OR10J1: variants seen among roughly 807,000 people sequenced by gnomAD.
The protein encoded by OR10J1 is olfactory receptor 10J1.
For synonymous variants in OR10J1, 202 were observed against 143.8 expected (o/e 1.40, Z -2.89); for missense variants, 474 against 376.6 (o/e 1.26, Z -2.14).
chr1:159,439,604 C>G, upstream of OR10J1: 1 of 688,584 alleles, frequency 1.5e-6, no homozygotes, highest in Non-Finnish European at 2.4e-6. Flanking sequence ...AACAGATGGT[C>G]ACAGAGTAAA....
chr1:159,430,668 T>TGTGTGTGTGTGTGTGTGC, the OR10J1 span, among the ~76,000 whole-genome samples: 18 of 69,614 alleles, frequency 2.6e-4, no homozygotes, highest in Non-Finnish European at 7.0e-4. Context: ...TGTGTGTGTG[T>TGTGTGTGTGTGTGTGTGC]GCGCGCGCGC....
At chr1:159,406,751 G>T in the OR10J1 span, among the ~76,000 whole-genome samples, 1 of 152,158 alleles carries the variant, frequency 6.6e-6, no homozygotes, top group Non-Finnish European at 1.5e-5. Context: ...CTGAGCCTTT[G>T]ATGACACAAT....
In OR10J1 at chr1:159,440,148, A is replaced by T; in HGVS notation, c.357A>T (p.Gly119=). The change falls in exon 1 of 1, where the codon GGA becomes GGT. Residue 119 remains glycine (G), a synonymous_variant. Transcript: ENST00000423932. ...ITNCFLLTAM[G]YDRYVAICNP... The stretch of plus-strand genomic sequence containing the variant: ...ACTGCTTCCTGCTCACAGCAATGGG[A>T]TATGACCGCTATGTGGCCATCTGCA... 6.2e-7 allele frequency: 1 copy of T among 1,614,110 alleles called. No individual in the cohort carries two copies. The highest frequency in any genetic ancestry group is 8.5e-7 in the Non-Finnish European group (1 of 1,180,018).
the OR10J1 span, among the ~76,000 whole-genome samples, chr1:159,431,421 G>A: frequency 6.6e-6 from 1 of 152,214 alleles, no homozygotes; most frequent in East Asian, 1.9e-4. Flanking sequence ...CTTCCCAGGA[G>A]TGCGCCTCAC....
chr1:159,410,957 C>T, the OR10J1 span, among the ~76,000 whole-genome samples: 5 of 152,062 alleles, frequency 3.3e-5, no homozygotes, highest in African/African-American at 1.2e-4. Context: ...TCGTTATGTA[C>T]CCAGTAGTCA....
the OR10J1 span, chr1:159,406,418 G>T: frequency 2.6e-6 from 1 of 381,346 alleles, no homozygotes. Context: ...ACAGAGGTGA[G>T]GCTCCAACTA....
chr1:159,435,694 T>A (rs570989135), upstream of OR10J1, among the ~76,000 whole-genome samples: 1 of 152,276 alleles, frequency 6.6e-6, no homozygotes, highest in Non-Finnish European at 1.5e-5. Context: ...AAGACTCCCA[T>A]TGACAATTCC....
chr1:159,431,889 C>A, the OR10J1 span, among the ~76,000 whole-genome samples: 1 of 152,090 alleles, frequency 6.6e-6, no homozygotes, highest in Non-Finnish European at 1.5e-5. Flanking sequence ...ATTTTTAACA[C>A]GATATTTTCA....
At chr1:159,432,715 A>G in the OR10J1 span, 1 of 404,374 alleles carries the variant, frequency 2.5e-6, no homozygotes, top group East Asian at 3.5e-5. Context: ...CCCTTCTGTG[A>G]TGCTAATCTC....
chr1:159,440,449 A>G lies in OR10J1; in HGVS notation c.658A>G (p.Ile220Val). ...MGLVFISYVL[I>V]ISTILKIASV... ...TCTGGTTTTCATTTCTTATGTTCTC[A>G]TTATCTCTACAATCCTCAAGATTGC... The change falls in exon 1 of 1, where the codon ATT becomes GTT. Residue 220 changes from isoleucine (I) to valine (V), a missense_variant. By Grantham distance (29) the Ile-to-Val change is conservative. Coordinates refer to ENST00000423932, the MANE Select transcript of OR10J1 (RefSeq NM_012351.3). 1.2e-6 allele frequency: 2 copies of G among 1,614,044 alleles called. No individual in the cohort carries two copies. Among genetic ancestry groups the G allele is most frequent in the Non-Finnish European group, 1.7e-6 (2 of 1,179,996 alleles).
At chr1:159,421,560 C>G in the OR10J1 span, among the ~76,000 whole-genome samples, 1 of 152,102 alleles carries the variant, frequency 6.6e-6, no homozygotes, top group Non-Finnish European at 1.5e-5. Context: ...TGGAATTTTT[C>G]CTGAAGATAT....
chr1:159,424,809 A>G, the OR10J1 span, among the ~76,000 whole-genome samples: 1 of 152,162 alleles, frequency 6.6e-6, no homozygotes, highest in Non-Finnish European at 1.5e-5. Flanking sequence ...GAAGAACAGC[A>G]TCAAGGAAAA....
chr1:159,430,638 A>G, the OR10J1 span, among the ~76,000 whole-genome samples: 2 of 28,568 alleles, frequency 7.0e-5, no homozygotes, highest in South Asian at 3.2e-3. Context: ...CAAAAAAATT[A>G]TGGTGTGTGT....
Position 159,440,714 on chromosome 1 carries a change from T to G in OR10J1, c.923T>G (p.Phe308Cys), listed in dbSNP as rs767991984. ...CTGTGCAGGGCTGTTGGTGGGAAGT[T>G]TTCCTGACCATGTAGGAAGAGTTCT... is the stretch of plus-strand genomic sequence containing the variant. ...DALCRAVGGK[F>C]S The change falls in exon 1 of 1, where the codon TTT (phenylalanine) becomes TGT (cysteine). Residue 308 changes from phenylalanine to cysteine, a missense_variant. Phe to Cys is a radical substitution (Grantham distance 205, BLOSUM62 -2). Coordinates refer to ENST00000423932, the MANE Select transcript of OR10J1 (RefSeq NM_012351.3). The G allele has an allele frequency of 6.2e-7, 1 of 1,608,828 alleles. No individual in the cohort carries two copies. Among genetic ancestry groups the G allele is most frequent in the Non-Finnish European group, 8.5e-7 (1 of 1,175,998 alleles).
the OR10J1 span, among the ~76,000 whole-genome samples, chr1:159,412,674 A>G: frequency 1.4e-4 from 21 of 152,088 alleles, 1 homozygote; most frequent in South Asian, 4.3e-3. Flanking sequence ...TACACCTTAC[A>G]CAAAAATTAA....
chr1:159,434,305 C>T (rs1655675120), upstream of OR10J1, among the ~76,000 whole-genome samples: 1 of 152,094 alleles, frequency 6.6e-6, no homozygotes, highest in African/African-American at 2.4e-5. Flanking sequence ...TTCCATACTC[C>T]TAGGAAAAGG....
the OR10J1 span, among the ~76,000 whole-genome samples, chr1:159,416,765 A>G: frequency 6.6e-6 from 1 of 152,082 alleles, no homozygotes; most frequent in South Asian, 2.1e-4. Context: ...ATTACTCATT[A>G]TAAGTGTGTT....
the OR10J1 span, among the ~76,000 whole-genome samples, chr1:159,425,854 G>C: frequency 6.6e-6 from 1 of 151,926 alleles, no homozygotes; most frequent in African/African-American, 2.4e-5. Context: ...CAATATAACA[G>C]AAACATAAAG....
At position 159,439,726 on chromosome 1, in the gene OR10J1, C is replaced by T. The variant is rs777352829; in HGVS notation, c.-66C>T. On this transcript the variant is annotated 5_prime_UTR_variant, in exon 1 of 1. Transcript: ENST00000423932. ...AACTTCAATCAATTTCAGAAATGTG[C>T]TTCTACTGCTTTACTGGGACTATGT... The T allele has an allele frequency of 2.5e-6, 4 of 1,591,588 alleles. No individual in the cohort carries two copies. The highest frequency in any genetic ancestry group is 4.5e-5 in the East Asian group (2 of 44,614).
Sources: gnomAD v4.1 joint callset for allele counts (sites outside exome capture counted in the v4.1 genomes callset) on GRCh38, gnomAD v4.1.1 for gene constraint, MANE v1.5 for transcripts, NCBI Gene and HGNC (gene_info 2026-07-23, HGNC 2026-07-21) for gene names.